RGS6: variants seen among roughly 807,000 people sequenced by gnomAD.
The protein encoded by RGS6 is regulator of G protein signaling 6.
Under a neutral mutation model 78.5 loss-of-function variants are expected in RGS6, and 30 were observed. That is an observed-to-expected ratio of 0.38 (90% CI 0.29 to 0.52). RGS6 has a LOEUF of 0.52. RGS6 is among the 20% of genes least tolerant of loss of function. The probability of loss-of-function intolerance (pLI) is 0.85; values close to 1 mark genes in which losing one functional copy is unlikely to be tolerated. For missense variants in RGS6, 495 were observed against 609.7 expected (o/e 0.81, Z 1.98); for synonymous variants, 206 against 206.0 (o/e 1.00, Z 0.00).
intron 2 of RGS6, among the ~76,000 whole-genome samples, chr14:72,106,463 G>A (rs2095634964): frequency 6.6e-6 from 1 of 152,146 alleles, no homozygotes; most frequent in African/African-American, 2.4e-5. Context: ...GCATGAACTA[G>A]TATGAGGTGG....
chr14:72,206,967 G>A (rs964767916), intron 2 of RGS6, among the ~76,000 whole-genome samples: 1 of 152,150 alleles, frequency 6.6e-6, no homozygotes, highest in African/African-American at 2.4e-5. Flanking sequence ...TTTCTAGAGG[G>A]TAGGAGGGTT....
the RGS6 span, among the ~76,000 whole-genome samples, chr14:72,595,821 A>G: frequency 6.6e-6 from 1 of 152,234 alleles, no homozygotes; most frequent in Admixed American, 6.5e-5. Flanking sequence ...CACCACCATC[A>G]TACGGTTGCA....
the RGS6 span, among the ~76,000 whole-genome samples, chr14:72,620,156 A>C: frequency 3.9e-5 from 6 of 152,006 alleles, no homozygotes; most frequent in African/African-American, 1.5e-4. Flanking sequence ...TTTTCCCACA[A>C]CTGGAGTTTC....
At chr14:72,273,866 C>T (rs542927644) in intron 2 of RGS6, among the ~76,000 whole-genome samples, 101 of 152,234 alleles carry the variant, frequency 6.6e-4, no homozygotes, top group African/African-American at 2.3e-3. Context: ...CCCTTGACCC[C>T]GGTATGTGCA....
At chr14:72,021,235 A>G (rs1200332797) in intron 2 of RGS6, among the ~76,000 whole-genome samples, 1 of 152,034 alleles carries the variant, frequency 6.6e-6, no homozygotes, top group Non-Finnish European at 1.5e-5. Flanking sequence ...GCCGTTGTGG[A>G]TAGGAAGCCT....
At chr14:72,450,983 C>T (rs1033653207) in intron 3 of RGS6, among the ~76,000 whole-genome samples, 5 of 152,208 alleles carry the variant, frequency 3.3e-5, no homozygotes, top group East Asian at 1.9e-4. Context: ...CTCCCTGCCA[C>T]GGGCTGGAGG....
chr14:72,459,722 C>G, intron 6 of RGS6, 39 bp downstream of exon 6: 1 of 1,596,900 alleles, frequency 6.3e-7, no homozygotes, highest in African/African-American at 1.3e-5. Flanking sequence ...AACTTCAACA[C>G]TGTGTGTCAC....
chr14:72,420,459 A>T (rs529567096), intron 3 of RGS6, among the ~76,000 whole-genome samples: 1 of 152,332 alleles, frequency 6.6e-6, no homozygotes, highest in East Asian at 1.9e-4. Flanking sequence ...CTTTTTAATA[A>T]CCAGTCATCA....
At chr14:72,595,381 C>T in the RGS6 span, among the ~76,000 whole-genome samples, 1 of 152,250 alleles carries the variant, frequency 6.6e-6, no homozygotes, top group South Asian at 2.1e-4. Flanking sequence ...GTAAGATGAA[C>T]TGTCCAAAGA....
intron 17 of RGS6, chr14:72,541,213 T>A (rs2097322774): frequency 3.5e-6 from 5 of 1,410,884 alleles, no homozygotes; most frequent in Non-Finnish European, 3.7e-6. Context: ...GGAAAATCCT[T>A]GTAAAACCTG....
the RGS6 span, among the ~76,000 whole-genome samples, chr14:71,920,787 C>T: frequency 3.9e-5 from 6 of 152,232 alleles, no homozygotes; most frequent in South Asian, 6.2e-4. Flanking sequence ...TTAAATACAT[C>T]GGTTTCTGGG....
At chr14:72,087,627 CTT>C (rs113790680) in intron 2 of RGS6, among the ~76,000 whole-genome samples, 26 of 144,918 alleles carry the variant, frequency 1.8e-4, no homozygotes, top group Admixed American at 2.1e-4. Context: ...CAACAATATA[CTT>C]TTTTTTTTTT....
At chr14:72,401,401 G>A (rs946689074) in intron 3 of RGS6, among the ~76,000 whole-genome samples, 1 of 152,012 alleles carries the variant, frequency 6.6e-6, no homozygotes, top group South Asian at 2.1e-4. Context: ...TGGTTCACAA[G>A]CCTCACTGTT....
At chr14:71,960,944 G>A (rs2093146023) in intron 1 of RGS6, among the ~76,000 whole-genome samples, 3 of 152,118 alleles carry the variant, frequency 2.0e-5, no homozygotes, top group Admixed American at 1.3e-4. Context: ...TATTCCTACC[G>A]GTCTCTGAAC....
intron 2 of RGS6, among the ~76,000 whole-genome samples, chr14:72,101,938 A>G (rs1485967846): frequency 6.6e-6 from 1 of 152,116 alleles, no homozygotes; most frequent in Non-Finnish European, 1.5e-5. Context: ...CACCTGCATC[A>G]TTGGAGTTGG....
the RGS6 span, among the ~76,000 whole-genome samples, chr14:71,888,052 A>G: frequency 0.16 from 24,510 of 152,030 alleles, 3,024 homozygotes; most frequent in African/African-American, 0.34. Context: ...TCCTCTCTTT[A>G]TACTGTCTCT....
chr14:72,393,087 A>G (rs1418221538), intron 3 of RGS6, among the ~76,000 whole-genome samples: 1 of 152,218 alleles, frequency 6.6e-6, no homozygotes, highest in African/African-American at 2.4e-5. Flanking sequence ...AAAGGGTCAG[A>G]TACCATTTCA....
At chr14:72,628,734 C>T in the RGS6 span, among the ~76,000 whole-genome samples, 43 of 152,086 alleles carry the variant, frequency 2.8e-4, 1 homozygote, top group Admixed American at 2.7e-3. Context: ...TGAATCAAGC[C>T]TCTAGCCCTA....
chr14:72,445,008 G>T lies in RGS6; in HGVS notation c.185-9520G>T, dbSNP rs776904991. 9.9e-5 allele frequency among the ~76,000 whole-genome samples: 15 copies of T among 152,222 alleles called. 1 individual carries two copies. The highest frequency in any genetic ancestry group is 1.5e-4 in the Non-Finnish European group (10 of 68,036). On this transcript the variant is annotated intron_variant, in intron 3 of 17. Transcript: ENST00000553525. ...TTGAGCAGCGAGGACAGGCCAAAAAGGTGGGAGGGGGCCAGTGAGTGTCTC... is the reference window on the plus strand; with the variant it reads ...TTGAGCAGCGAGGACAGGCCAAAAATGTGGGAGGGGGCCAGTGAGTGTCTC...
Sources: allele counts gnomAD v4.1 joint callset (sites outside exome capture counted in the v4.1 genomes callset), GRCh38; gene constraint gnomAD v4.1.1; transcripts MANE v1.5; gene names NCBI Gene and HGNC (gene_info 2026-07-23, HGNC 2026-07-21).